ZNF599: variants seen among roughly 807,000 people sequenced by gnomAD.
ZNF599 encodes the protein zinc finger protein 599.
ZNF599 carries 10 observed loss-of-function variants against 11.7 expected under a neutral mutation model. That is an observed-to-expected ratio of 0.86 (90% CI 0.53 to 1.45). The LOEUF (loss-of-function observed/expected upper bound fraction) is 1.45. Ranked by LOEUF, ZNF599 falls within the 40% of genes most tolerant of loss-of-function variation. The probability of loss-of-function intolerance (pLI) is 0.00; values close to 1 mark genes in which losing one functional copy is unlikely to be tolerated. For synonymous variants in ZNF599, 232 were observed against 253.2 expected (o/e 0.92, Z 0.79); for missense variants, 688 against 713.6 (o/e 0.96, Z 0.41).
the ZNF599 span, among the ~76,000 whole-genome samples, chr19:34,783,168 C>T: frequency 6.6e-6 from 1 of 152,196 alleles, no homozygotes; most frequent in Non-Finnish European, 1.5e-5. Context: ...AGATGATGTA[C>T]AGACAACTGC....
At chr19:34,774,640 G>A (rs1447490679), upstream of ZNF599, among the ~76,000 whole-genome samples, 1 of 152,028 alleles carries the variant, frequency 6.6e-6, no homozygotes, top group Non-Finnish European at 1.5e-5. Context: ...AGAGATAATG[G>A]GACTGATAAG....
At chr19:34,764,771 C>G (rs1024671382) in intron 3 of ZNF599, 3 of 152,132 alleles carry the variant, frequency 2.0e-5, no homozygotes, top group Non-Finnish European at 4.4e-5. Flanking sequence ...GCACAAGGAG[C>G]CTGTTAAGTG....
chr19:34,777,245 TTAAAATATATATTA>T (rs1285357822), upstream of ZNF599, among the ~76,000 whole-genome samples: 2 of 129,684 alleles, frequency 1.5e-5, no homozygotes, highest in East Asian at 2.2e-4. Flanking sequence ...AAATATATAT[TTAAAATATATATTA>T]TATATATCCA....
At chr19:34,773,788 G>A (rs140974180), upstream of ZNF599, among the ~76,000 whole-genome samples, 36 of 152,240 alleles carry the variant, frequency 2.4e-4, no homozygotes, top group African/African-American at 8.4e-4. Flanking sequence ...TTAAATTCCA[G>A]TAAATAAATG....
chr19:34,802,744 C>T, the ZNF599 span, among the ~76,000 whole-genome samples: 1 of 152,068 alleles, frequency 6.6e-6, no homozygotes, highest in South Asian at 2.1e-4. Context: ...GAACACAGCC[C>T]TGATGTCATG....
chr19:34,785,100 T>A, the ZNF599 span, among the ~76,000 whole-genome samples: 2 of 150,554 alleles, frequency 1.3e-5, no homozygotes, highest in Non-Finnish European at 3.0e-5. Context: ...CTTCTGATAC[T>A]GCCACTTAAA....
Position 34,759,399 on chromosome 19 carries a change from G to A in ZNF599, c.1402C>T (p.Arg468Ter), listed in dbSNP as rs749261191. 44 of 1,613,964 alleles carry A rather than the reference G, an allele frequency of 2.7e-5. No individual in the cohort carries two copies. Among genetic ancestry groups the A allele is most frequent in the Admixed American group, 1.8e-4 (11 of 59,990 alleles). ...KAFTHHSVFI[R>*]HNRTHSGQKP... ...TGTCCACTGTGGGTCCTATTATGTC[G>A]AATAAAAACAGAGTGGTGTGTAAAA... Residue 468 changes from arginine to a stop codon, truncating the protein, a stop_gained, in exon 4 of 4, where the codon CGA becomes TGA. Coordinates refer to ENST00000329285, the MANE Select transcript of ZNF599 (RefSeq NM_001007248.3). LOFTEE classifies it low-confidence loss of function (END_TRUNC).
chr19:34,788,159 A>T, the ZNF599 span, among the ~76,000 whole-genome samples: 2 of 152,152 alleles, frequency 1.3e-5, no homozygotes, highest in African/African-American at 4.8e-5. Flanking sequence ...ATTTTATATT[A>T]GGGACTTGAG....
upstream of ZNF599, among the ~76,000 whole-genome samples, chr19:34,774,239 C>T (rs962540382): frequency 2.0e-5 from 3 of 152,062 alleles, no homozygotes; most frequent in African/African-American, 4.8e-5. Flanking sequence ...TGTAAGATGG[C>T]GTGTCACTGT....
intron 1 of ZNF599, among the ~76,000 whole-genome samples, chr19:34,769,858 A>G (rs553495985): frequency 6.6e-6 from 1 of 152,300 alleles, no homozygotes; most frequent in East Asian, 1.9e-4. Context: ...AATTCAAACA[A>G]TAATCACAGC....
upstream of ZNF599, among the ~76,000 whole-genome samples, chr19:34,777,466 T>A (rs9676762): frequency 3.1e-5 from 3 of 96,128 alleles, no homozygotes; most frequent in Non-Finnish European, 5.6e-5. Flanking sequence ...TATAATATAT[T>A]ATATATTAAT....
At chr19:34,772,798 C>T (rs1413204089) in intron 1 of ZNF599, 26 bp downstream of exon 1, 3 of 1,534,162 alleles carry the variant, frequency 2.0e-6, no homozygotes, top group Non-Finnish European at 2.6e-6. Flanking sequence ...CCCGAGCTCG[C>T]GCGGGCTGCG....
the ZNF599 span, among the ~76,000 whole-genome samples, chr19:34,784,829 G>A: frequency 4.6e-3 from 692 of 151,112 alleles, 7 homozygotes; most frequent in African/African-American, 0.016. Flanking sequence ...GTGATTTGCC[G>A]AAGCAAGATA....
At chr19:34,767,542 A>C in intron 2 of ZNF599, 131 bp from the exon 3 acceptor site, 2 of 607,268 alleles carry the variant, frequency 3.3e-6, no homozygotes, top group Non-Finnish European at 5.7e-6. Context: ...TGCCTCACCA[A>C]AAGTATTCCC....
intron 1 of ZNF599, among the ~76,000 whole-genome samples, chr19:34,770,196 T>C (rs961687570): frequency 6.6e-6 from 1 of 152,262 alleles, no homozygotes; most frequent in African/African-American, 2.4e-5. Flanking sequence ...GCCCATGATG[T>C]AAATGTCATC....
chr19:34,804,615 C>A, the ZNF599 span, among the ~76,000 whole-genome samples: 1 of 152,236 alleles, frequency 6.6e-6, no homozygotes, highest in Non-Finnish European at 1.5e-5. Context: ...TTTGTGTCTA[C>A]CAGTCCACTT....
rs772901846 is a variant in ZNF599, at chr19:34,769,502, C to T, written c.72G>A (p.Gly24=). 4.3e-6 allele frequency: 7 copies of T among 1,614,092 alleles called. No individual in the cohort carries two copies. Among genetic ancestry groups the T allele is most frequent in the South Asian group, 2.2e-5 (2 of 91,086 alleles). The stretch of plus-strand genomic sequence containing the variant: ...GGGTCCTCTGGGCCAGGTCCAGGTG[C>T]CCCCATTCCTCTCCAGTGAAGGTCA... ...VVVTFTGEEW[G]HLDLAQRTLY... Residue 24 remains glycine (G), a synonymous_variant, in exon 2 of 4, where the codon GGG becomes GGA. Transcript: ENST00000329285.
At position 34,772,886 on chromosome 19, in the gene ZNF599, C is replaced by G; in HGVS notation, c.-45G>C. The G allele has an allele frequency of 1.4e-6, 2 of 1,417,052 alleles. No individual in the cohort carries two copies. The highest frequency in any genetic ancestry group is 1.8e-6 in the Non-Finnish European group (2 of 1,091,268). 87.8% of individuals were successfully genotyped at this position (1,417,052 alleles called of 1,614,324 possible). On this transcript the variant is annotated 5_prime_UTR_variant, in exon 1 of 4. Transcript: ENST00000329285. Reference sequence around the variant, plus strand: ...AGGCCGTGAGAGTCGGCGAGGAAGCCGGTCCTGCGGGCTCGGCCGACCCCG... The same window carrying G: ...AGGCCGTGAGAGTCGGCGAGGAAGCGGGTCCTGCGGGCTCGGCCGACCCCG...
At position 34,769,463 on chromosome 19, in the gene ZNF599, C is replaced by T. The variant is rs1275395542; in HGVS notation, c.111G>A (p.Val37=). The change falls in exon 2 of 4, where the codon GTG becomes GTA. Residue 37 remains valine, a synonymous_variant. Coordinates refer to ENST00000329285, the MANE Select transcript of ZNF599 (RefSeq NM_001007248.3). ...DLAQRTLYQE[V]MLETCRLLVS... ...CCAGGAGCCTGCAGGTCTCCAGCAT[C>T]ACCTCCTGGTACAGGGTCCTCTGGG... The T allele has an allele frequency of 6.2e-6, 10 of 1,614,178 alleles. No homozygotes were observed. The highest frequency in any genetic ancestry group is 8.5e-6 in the Non-Finnish European group (10 of 1,180,028).
Sources: gnomAD v4.1 joint callset for allele counts (sites outside exome capture counted in the v4.1 genomes callset) on GRCh38, gnomAD v4.1.1 for gene constraint, MANE v1.5 for transcripts, NCBI Gene and HGNC (gene_info 2026-07-23, HGNC 2026-07-21) for gene names.